Variants in XPO4 observed in about 807,000 individuals in gnomAD.
The protein encoded by XPO4 is exportin 4.
A neutral mutation model predicts 143.0 loss-of-function variants in XPO4; 39 were observed. That is an observed-to-expected ratio of 0.27 (90% CI 0.21 to 0.36). The LOEUF is 0.36. Ranked by LOEUF, XPO4 falls within the 10% of genes least tolerant of loss-of-function variation. The probability of loss-of-function intolerance (pLI) is 1.00; values close to 1 mark genes in which losing one functional copy is unlikely to be tolerated. For missense variants in XPO4, 907 were observed against 1,348.0 expected (o/e 0.67, Z 5.12); for synonymous variants, 439 against 474.0 (o/e 0.93, Z 0.96).
intron 6 of XPO4, among the ~76,000 whole-genome samples, chr13:20,841,780 T>C (rs1164188381): frequency 6.6e-6 from 1 of 151,908 alleles, no homozygotes; most frequent in African/African-American, 2.4e-5. Context: ...AGTTTCTGTA[T>C]ATGTAAATGT....
At chr13:20,850,956 T>A in intron 4 of XPO4, 1 of 985,416 alleles carries the variant, frequency 1.0e-6, no homozygotes, top group Non-Finnish European at 1.2e-6. Flanking sequence ...AAACCTTTAG[T>A]TAATTTTTTC....
intron 1 of XPO4, among the ~76,000 whole-genome samples, chr13:20,871,179 T>C (rs1023016841): frequency 1.3e-5 from 2 of 152,116 alleles, no homozygotes; most frequent in Non-Finnish European, 2.9e-5. Context: ...TTTTGTTTTA[T>C]TGCTTTGTTT....
intron 1 of XPO4, among the ~76,000 whole-genome samples, chr13:20,897,204 A>G (rs1284902565): frequency 6.6e-6 from 1 of 152,224 alleles, no homozygotes; most frequent in Non-Finnish European, 1.5e-5. Flanking sequence ...TCAATTAATT[A>G]AAATTTTCAT....
intron 19 of XPO4, among the ~76,000 whole-genome samples, chr13:20,789,541 C>CCCA (rs1218693798): frequency 1.4e-4 from 22 of 151,780 alleles, no homozygotes; most frequent in Middle Eastern, 3.4e-3. Context: ...ACTACAGGCG[C>CCCA]CCACCACCAC....
rs561803248 is a variant in XPO4 at position 20,854,679 on chromosome 13, A to G, written c.456+948T>C. On this transcript the variant is annotated intron_variant, in intron 4 of 22. Transcript: ENST00000255305. ...GGTGATAAAAGTTGATAGGTTAAAC[A>G]AAGAATCACAGCTAATCATTAATAG... Among the ~76,000 whole-genome samples the G allele has an allele frequency of 2.7e-4, 41 of 152,314 alleles. No homozygotes were observed. In the South Asian group the frequency reaches 7.9e-3, roughly 29 times the overall value.
chr13:20,853,438 C>A (rs73167452), intron 4 of XPO4, among the ~76,000 whole-genome samples: 14,162 of 151,784 alleles, frequency 0.093, 821 homozygotes, highest in Non-Finnish European at 0.13. Flanking sequence ...TTGGCTGAGC[C>A]CAGGAGACTG....
At chr13:20,839,841 G>C (rs997513509) in intron 6 of XPO4, among the ~76,000 whole-genome samples, 13 of 151,960 alleles carry the variant, frequency 8.6e-5, no homozygotes, top group Admixed American at 3.9e-4. Flanking sequence ...AAATAAGCTG[G>C]GTGTGGTGGT....
chr13:20,883,169 C>G (rs1160215725), intron 1 of XPO4, among the ~76,000 whole-genome samples: 3 of 152,242 alleles, frequency 2.0e-5, no homozygotes, highest in Non-Finnish European at 4.4e-5. Context: ...CCTCCCCAAG[C>G]CTCTGTCAAT....
intron 1 of XPO4, among the ~76,000 whole-genome samples, chr13:20,901,350 G>A (rs747527159): frequency 1.3e-5 from 2 of 152,206 alleles, no homozygotes; most frequent in Non-Finnish European, 2.9e-5. Context: ...ATCAGTGTAA[G>A]AACTACAGCC....
At chr13:20,814,226 A>T (rs2137918000) in intron 9 of XPO4, among the ~76,000 whole-genome samples, 1 of 151,918 alleles carries the variant, frequency 6.6e-6, no homozygotes, top group Non-Finnish European at 1.5e-5. Context: ...ATATTTTCTA[A>T]GACCTATCTT....
intron 7 of XPO4, 50 bp from the exon 8 acceptor site, chr13:20,822,339 G>A (rs765740114): frequency 1.3e-6 from 2 of 1,524,872 alleles, no homozygotes; most frequent in Non-Finnish European, 1.8e-6. Context: ...CCTTTGTAAG[G>A]GTCACGTGTC....
In XPO4 at chr13:20,862,857, T is replaced by G. The variant is rs2060214431; in HGVS notation, c.177A>C (p.Glu59Asp). The G allele has an allele frequency of 1.2e-6, 2 of 1,610,858 alleles. No homozygotes were observed. The highest frequency in any genetic ancestry group is 3.4e-5 in the Admixed American group (2 of 58,896). The part of the protein sequence containing the change: ...SPFAVCKHIL[E>D]TSKVDYVLFQ... ...AGAGGACATAGTCCACTTTACTAGT[T>G]TCTGAGGAGAAAATTAAAAACTTTA... The change falls in exon 3 of 23, where the codon GAA (glutamate) becomes GAC (aspartate). Residue 59 changes from glutamate to aspartate, a missense_variant and splice_region_variant. Transcript: ENST00000255305.
intron 4 of XPO4, among the ~76,000 whole-genome samples, chr13:20,845,642 T>G (rs1389340944): frequency 1.3e-5 from 2 of 152,222 alleles, no homozygotes; most frequent in African/African-American, 2.4e-5. Context: ...CCTTCATTTT[T>G]TTAGTTAACA....
In XPO4 at chr13:20,808,521, T is replaced by C. The variant is rs373282586; in HGVS notation, c.1554A>G (p.Leu518=). The C allele has an allele frequency of 2.5e-6, 4 of 1,577,184 alleles. No homozygotes were observed. The South Asian group carries it at 4.6e-5, about 18-fold the overall frequency. ...CAGTGCTTGAACCCGGTGAAGCAAG[T>C]AACTGTTGCTGATGTCGTTGTAACT... is the stretch of plus-strand genomic sequence containing the variant. The part of the protein sequence containing the change: ...HGQLQRHQQQ[L]LASPGSSTVD... Residue 518 remains leucine, a synonymous_variant, in exon 12 of 23, where the codon TTA becomes TTG. Coordinates refer to ENST00000255305, the MANE Select transcript of XPO4 (RefSeq NM_022459.5).
intron 1 of XPO4, among the ~76,000 whole-genome samples, chr13:20,875,700 T>C (rs1305359597): frequency 6.6e-6 from 1 of 152,158 alleles, no homozygotes; most frequent in Non-Finnish European, 1.5e-5. Flanking sequence ...CAAAAACCCC[T>C]TTACACAATC....
chr13:20,831,624 GAAT>G (rs892817944), intron 6 of XPO4, among the ~76,000 whole-genome samples: 4 of 151,724 alleles, frequency 2.6e-5, no homozygotes, highest in Admixed American at 6.6e-5. Context: ...ATTTTTATCA[GAAT>G]AATTCATTTG....
At chr13:20,810,648 T>C (rs1310958620) in intron 9 of XPO4, among the ~76,000 whole-genome samples, 3 of 152,164 alleles carry the variant, frequency 2.0e-5, no homozygotes, top group African/African-American at 7.2e-5. Flanking sequence ...GTGGGAAACT[T>C]AGAAAAAGAG....
intron 2 of XPO4, 124 bp downstream of exon 2, chr13:20,868,472 T>C (rs2060264093): frequency 7.6e-7 from 1 of 1,323,542 alleles, no homozygotes; most frequent in African/African-American, 1.5e-5. Flanking sequence ...TGATTATTAA[T>C]TTAAATAATT....
intron 14 of XPO4, 51 bp downstream of exon 14, chr13:20,800,780 T>G: frequency 1.3e-6 from 2 of 1,588,846 alleles, no homozygotes; most frequent in Non-Finnish European, 1.7e-6. Flanking sequence ...CCTGCTTCTA[T>G]AACTGCTATC....
Sources: allele counts gnomAD v4.1 joint callset (sites outside exome capture counted in the v4.1 genomes callset), GRCh38; gene constraint gnomAD v4.1.1; transcripts MANE v1.5; gene names NCBI Gene and HGNC (gene_info 2026-07-23, HGNC 2026-07-21).